The following FAM222B variants were observed in gnomAD, a reference collection of about 807,000 sequenced individuals.
The protein encoded by FAM222B is family with sequence similarity 222 member B, also known as protein FAM222B.
Under a neutral mutation model 38.0 loss-of-function variants are expected in FAM222B, and 12 were observed. That is an observed-to-expected ratio of 0.32 (90% CI 0.20 to 0.51). The LOEUF (loss-of-function observed/expected upper bound fraction) is 0.51, where lower values mean the gene tolerates loss of function less well. Among genes scored for constraint, FAM222B ranks in the 20% least tolerant of loss-of-function variants. The probability of loss-of-function intolerance (pLI) is 0.97; values close to 1 mark genes in which losing one functional copy is unlikely to be tolerated. For missense variants in FAM222B, 716 were observed against 754.2 expected (o/e 0.95, Z 0.59); for synonymous variants, 329 against 317.2 (o/e 1.04, Z -0.40).
chr17:28,758,546 A>G lies in FAM222B; in HGVS notation c.1413T>C (p.Leu471=), dbSNP rs2043031. 0.21 allele frequency: 333,346 copies of G among 1,610,036 alleles called. 35,829 individuals carry two copies. Among genetic ancestry groups the G allele is most frequent in the South Asian group, 0.31 (28,374 of 91,084 alleles). Residue 471 remains leucine, a synonymous_variant, in exon 3 of 3, where the codon CTT becomes CTC. Coordinates refer to ENST00000581407, the MANE Select transcript of FAM222B (RefSeq NM_001077498.3). ...PNSDSSGSQD[L]AMPFHGGQPT... Reference sequence around the variant, plus strand: ...GCTGCCCACCGTGGAACGGCATGGCAAGGTCCTGAGACCCCGAGCTGTCGC... The same window carrying G: ...GCTGCCCACCGTGGAACGGCATGGCGAGGTCCTGAGACCCCGAGCTGTCGC...
intron 1 of FAM222B, among the ~76,000 whole-genome samples, chr17:28,839,544 T>A (rs1390952196): frequency 6.6e-6 from 1 of 152,110 alleles, no homozygotes; most frequent in Admixed American, 6.6e-5. Context: ...CTGATGGAAA[T>A]TTCCAGTAGG....
At chr17:28,822,819 AAAAAAAAAAAAAAATATATATATATATAT>A (rs2038287223) in intron 1 of FAM222B, among the ~76,000 whole-genome samples, 1 of 93,184 alleles carries the variant, frequency 1.1e-5, no homozygotes, top group Non-Finnish European at 2.0e-5. Context: ...AAAAAAAAAA[AAAAAAAAAAAAAAATATATATATATATAT>A]ATATATATAT....
At chr17:28,795,860 CATTT>C (rs2036916959) in intron 1 of FAM222B, among the ~76,000 whole-genome samples, 1 of 152,186 alleles carries the variant, frequency 6.6e-6, no homozygotes, top group Non-Finnish European at 1.5e-5. Flanking sequence ...CTATGAATGA[CATTT>C]AGTTAATCTC....
chr17:28,764,271 C>CAAAAAAAAAA (rs35314377), intron 2 of FAM222B, among the ~76,000 whole-genome samples: 1 of 43,844 alleles, frequency 2.3e-5, no homozygotes, highest in East Asian at 7.4e-4. Context: ...GACTCCATCT[C>CAAAAAAAAAA]AAAAAAAAAA....
At chr17:28,798,729 G>C (rs1319768769) in intron 1 of FAM222B, among the ~76,000 whole-genome samples, 1 of 151,066 alleles carries the variant, frequency 6.6e-6, no homozygotes, top group East Asian at 2.0e-4. Context: ...CCGCCTCCCG[G>C]GTTCACATTA....
chr17:28,775,212 G>A (rs562708562), intron 1 of FAM222B, among the ~76,000 whole-genome samples: 29 of 151,590 alleles, frequency 1.9e-4, no homozygotes, highest in African/African-American at 6.8e-4. Context: ...TGTTGGCCAG[G>A]CTGGTCTCCA....
At position 28,808,343 on chromosome 17, in the gene FAM222B, T is replaced by C. The variant is rs74491227; in HGVS notation, c.-41+34339A>G. Among the ~76,000 whole-genome samples the C allele has an allele frequency of 4.6e-3, 707 of 152,280 alleles. 4 individuals are homozygous for C. The highest frequency in any genetic ancestry group is 0.016 in the African/African-American group (665 of 41,564). On this transcript the variant is annotated intron_variant, in intron 1 of 2. Transcript: ENST00000581407. ...ATTGTCCTGGATGAAGAGAGAACCA[T>C]ACATCATTCCAGTCCTTTATTTTGA... is the stretch of plus-strand genomic sequence containing the variant.
Position 28,766,618 on chromosome 17 carries a change from G to A in FAM222B, c.50C>T (p.Ser17Phe), listed in dbSNP as rs1379434210. The A allele has an allele frequency of 6.2e-7, 1 of 1,605,814 alleles. No individual in the cohort carries two copies. The highest frequency in any genetic ancestry group is 8.5e-7 in the Non-Finnish European group (1 of 1,176,054). Reference protein sequence around the residue: ...GPGDLSFQLLSHTQMNTGLQK... With the variant: ...GPGDLSFQLLFHTQMNTGLQK... The stretch of plus-strand genomic sequence containing the variant: ...AAGTCCAGTGTTCATCTGCGTGTGA[G>A]AAAGAAGCTGAAAGGACAGGTCACC... The change falls in exon 2 of 3, where the codon TCT (serine) becomes TTT (phenylalanine). Residue 17 changes from serine (S) to phenylalanine (F), a missense_variant. Coordinates refer to ENST00000581407, the MANE Select transcript of FAM222B (RefSeq NM_001077498.3).
rs746429921 is a variant in FAM222B, at chr17:28,758,344, G to T, written c.1615C>A (p.Arg539=). The T allele has an allele frequency of 8.1e-6, 13 of 1,612,708 alleles. No homozygotes were observed. In the South Asian group the frequency reaches 1.3e-4, roughly 16 times the overall value. ...QSLAMLSKAH[R]APGNRAPDPT... ...TCGGGGGCTCGGTTGCCAGGGGCTC[G>T]GTGGGCCTTGCTCAGCATGGCCAGG... The change falls in exon 3 of 3, where the codon CGA becomes AGA. Residue 539 remains arginine (R), a synonymous_variant. Transcript: ENST00000581407.
At chr17:28,809,248 G>A (rs923325722) in intron 1 of FAM222B, among the ~76,000 whole-genome samples, 4 of 152,100 alleles carry the variant, frequency 2.6e-5, no homozygotes, top group Non-Finnish European at 2.9e-5. Flanking sequence ...CTACTCAGGA[G>A]GCTGAGGCAG....
chr17:28,786,510 T>C (rs2036418542), intron 1 of FAM222B, among the ~76,000 whole-genome samples: 1 of 152,162 alleles, frequency 6.6e-6, no homozygotes, highest in African/African-American at 2.4e-5. Context: ...TCCCCTTGTA[T>C]CCTCATTCTC....
At chr17:28,803,788 G>C (rs1299632147) in intron 1 of FAM222B, among the ~76,000 whole-genome samples, 1 of 151,932 alleles carries the variant, frequency 6.6e-6, no homozygotes, top group African/African-American at 2.4e-5. Context: ...GACCAGCCTG[G>C]CCAAGATGGT....
upstream of FAM222B, among the ~76,000 whole-genome samples, chr17:28,843,080 TGCACTTAAAG>T (rs2039103255): frequency 6.6e-6 from 1 of 151,934 alleles, no homozygotes; most frequent in Admixed American, 6.6e-5. Flanking sequence ...GCATCCTACT[TGCACTTAAAG>T]GCCTGAATTC....
Position 28,842,730 on chromosome 17 carries a change from G to GCCCGCCGCCCGCCGCCA in FAM222B, c.-90_-89insTGGCGGCGGGCGGCGGG, listed in dbSNP as rs1555593006. On this transcript the variant is annotated 5_prime_UTR_variant, in exon 1 of 3. Transcript: ENST00000581407. ...CATGGCTGCTCCTTTGCCGCCCGCC[G>GCCCGCCGCCCGCCGCCA]CCCGCCGCCACCACTTCTCCACTGC... The GCCCGCCGCCCGCCGCCA allele has an allele frequency of 1.9e-4, 29 of 154,546 alleles. No individual in the cohort carries two copies. Among genetic ancestry groups the GCCCGCCGCCCGCCGCCA allele is most frequent in the African/African-American group, 6.5e-4 (27 of 41,516 alleles). The allele number at this position is 154,546 out of a possible 1,614,324, so 9.6% of individuals were successfully genotyped here. A position where few individuals can be genotyped will look rare whatever the true frequency, so the allele number is the denominator to read the frequency against.
chr17:28,772,252 T>G (rs1442362491), intron 1 of FAM222B, among the ~76,000 whole-genome samples: 1 of 152,142 alleles, frequency 6.6e-6, no homozygotes. Context: ...TTTGTCTTTT[T>G]TTCTCCTTCT....
chr17:28,838,338 TG>T (rs1478437588), intron 1 of FAM222B, among the ~76,000 whole-genome samples: 2 of 150,858 alleles, frequency 1.3e-5, no homozygotes, highest in African/African-American at 2.4e-5. Context: ...CCCAACACTT[TG>T]GGAGGCCGAG....
chr17:28,761,911 C>G (rs1033874433), intron 2 of FAM222B: 1 of 152,166 alleles, frequency 6.6e-6, no homozygotes, highest in Non-Finnish European at 1.5e-5. Context: ...ACTCCTAGCA[C>G]AGTGCTTTAA....
chr17:28,854,950 C>T, exon 1 of FAM222B: 1 of 1,465,596 alleles, frequency 6.8e-7, no homozygotes, highest in Non-Finnish European at 9.1e-7. Context: ...GCAGACCTAC[C>T]TCTCTCCTAC....
chr17:28,807,748 T>A (rs981554805), intron 1 of FAM222B, among the ~76,000 whole-genome samples: 2 of 152,202 alleles, frequency 1.3e-5, no homozygotes, highest in Admixed American at 1.3e-4. Flanking sequence ...AAATCTCTAA[T>A]GAAGTAAACT....
Sources: gnomAD v4.1 joint callset for allele counts (sites outside exome capture counted in the v4.1 genomes callset) on GRCh38, gnomAD v4.1.1 for gene constraint, MANE v1.5 for transcripts, NCBI Gene and HGNC (gene_info 2026-07-23, HGNC 2026-07-21) for gene names.